SPEG: variants seen among roughly 807,000 people sequenced by gnomAD.
The protein encoded by SPEG is striated muscle enriched protein kinase.
Under a neutral mutation model 300.4 loss-of-function variants are expected in SPEG, and 114 were observed. The observed-to-expected ratio is 0.38, with a 90% CI of 0.33 to 0.44. The LOEUF is 0.44. SPEG is among the 20% of genes least tolerant of loss of function. SPEG has a pLI of 1.00. For missense variants in SPEG, 4,201 were observed against 4,586.2 expected (o/e 0.92, Z 2.43); for synonymous variants, 1,964 against 2,018.9 (o/e 0.97, Z 0.73).
intron 13 of SPEG, 32 bp downstream of exon 13, chr2:219,469,411 C>A: frequency 1.3e-6 from 2 of 1,541,228 alleles, no homozygotes; most frequent in Non-Finnish European, 8.9e-7. Flanking sequence ...CGGGAGTGTC[C>A]CCTGCAGCAC....
Position 219,493,372 on chromosome 2 carries a change from T to A in SPEG, c.*586T>A. ...CCCTCAGAGGAGAAATGTGGAGAGC[T>A]GGAGGCCAGCAGTCACTCACACTCG... On this transcript the variant is annotated 3_prime_UTR_variant, in exon 41 of 41. Transcript: ENST00000312358. 1 of 359,690 alleles carries A rather than the reference T, an allele frequency of 2.8e-6. No individual in the cohort carries two copies. Among genetic ancestry groups the A allele is most frequent in the South Asian group, 2.1e-5 (1 of 48,430 alleles). The allele number at this position is 359,690 out of a possible 1,614,324, so 22.3% of individuals were successfully genotyped here. A position where few individuals can be genotyped will look rare whatever the true frequency, so the allele number is the denominator to read the frequency against.
intron 18 of SPEG, 28 bp from the exon 19 acceptor site, chr2:219,476,842 T>C (rs1274319838): frequency 3.2e-6 from 5 of 1,584,022 alleles, no homozygotes; most frequent in Non-Finnish European, 4.3e-6. Flanking sequence ...GCCCCTTCTC[T>C]TCCCACCCCT....
chr2:219,482,593 A>T (rs535851704), intron 28 of SPEG, among the ~76,000 whole-genome samples, 191 bp from the exon 29 acceptor site: 19 of 152,152 alleles, frequency 1.2e-4, no homozygotes, highest in African/African-American at 4.6e-4. Flanking sequence ...ATTTGTCTTT[A>T]GGTGTGCATC....
Position 219,467,271 on chromosome 2 carries a change from G to C in SPEG, c.2979G>C (p.Gly993=). The C allele has an allele frequency of 6.2e-7, 1 of 1,608,752 alleles. No individual in the cohort carries two copies. The highest frequency in any genetic ancestry group is 1.1e-5 in the South Asian group (1 of 91,056). Residue 993 remains glycine, a synonymous_variant, in exon 10 of 41, where the codon GGG becomes GGC. Coordinates refer to ENST00000312358, the MANE Select transcript of SPEG (RefSeq NM_005876.5). ...EMALFECLVA[G]PTDVEVDWLC... ...CGCTGTTTGAGTGCCTGGTGGCGGG[G>C]CCCACTGACGTGGAGGTGGATTGGC...
rs1244421204 is a variant in SPEG, at chr2:219,480,733, G to A, written c.5369+36G>A. 6.2e-7 allele frequency: 1 copy of A among 1,609,910 alleles called. No homozygotes were observed. The highest frequency in any genetic ancestry group is 2.2e-5 in the East Asian group (1 of 44,830). On this transcript the variant is annotated intron_variant, in intron 26 of 40. Coordinates refer to ENST00000312358, the MANE Select transcript of SPEG (RefSeq NM_005876.5). This position sits in a 1 kb window ranked among gnomAD's most constrained non-coding sequence, Gnocchi z 5.3. ...CTCTGCAATGTCCCAGCAGTCTCCT[G>A]GCAGGTCTACCCCTAACCTTTGCAG...
In SPEG at chr2:219,454,607, G is replaced by A. The variant is rs548527050; in HGVS notation, c.2440+2800G>A. 2.6e-5 allele frequency among the ~76,000 whole-genome samples: 4 copies of A among 152,344 alleles called. No individual in the cohort carries two copies. The East Asian group carries it at 7.7e-4, about 29-fold the overall frequency. ...TATCCCTTGGAGGGACGTGTGGCAGGTGGGGACATTCCCATTTTATGGATG... is the reference window on the plus strand; with the variant it reads ...TATCCCTTGGAGGGACGTGTGGCAGATGGGGACATTCCCATTTTATGGATG... On this transcript the variant is annotated intron_variant, in intron 6 of 40. Coordinates refer to ENST00000312358, the MANE Select transcript of SPEG (RefSeq NM_005876.5).
intron 1 of SPEG, chr2:219,442,045 C>T: frequency 8.5e-7 from 1 of 1,177,354 alleles, no homozygotes; most frequent in African/African-American, 1.6e-5. Flanking sequence ...GGCCCCCTCC[C>T]CCGCCATGAA....
At chr2:219,452,503 G>A (rs770621963) in intron 6 of SPEG, among the ~76,000 whole-genome samples, 2 of 152,132 alleles carry the variant, frequency 1.3e-5, no homozygotes, top group Non-Finnish European at 2.9e-5. Flanking sequence ...CACTGACCCC[G>A]GGCCTGGGGT....
chr2:219,470,303 C>T (rs911157360), intron 13 of SPEG, among the ~76,000 whole-genome samples: 2 of 101,486 alleles, frequency 2.0e-5, no homozygotes, highest in African/African-American at 8.5e-5. Context: ...ACCCTGGTGC[C>T]CAGCTCTTAA....
chr2:219,441,353 G>A, intron 1 of SPEG, among the ~76,000 whole-genome samples: 1 of 152,168 alleles, frequency 6.6e-6, no homozygotes, highest in South Asian at 2.1e-4. Context: ...CGCGAGGTAA[G>A]GCAAGATAAA....
intron 8 of SPEG, among the ~76,000 whole-genome samples, chr2:219,463,659 G>C (rs992294196): frequency 1.3e-5 from 2 of 150,494 alleles, no homozygotes; most frequent in Non-Finnish European, 1.5e-5. Context: ...ACCCACCTCG[G>C]CCTCCCAAAG....
chr2:219,445,512 G>T lies in SPEG; in HGVS notation c.815+351G>T. On this transcript the variant is annotated intron_variant, in intron 3 of 40. Transcript: ENST00000312358. This position sits in a 1 kb window ranked among gnomAD's most constrained non-coding sequence, Gnocchi z 6.1. The stretch of plus-strand genomic sequence containing the variant: ...TCCCCAGGATCCCTCCCCCGACCCG[G>T]GGGCCCCCTTGGTGCCTGCTGTCTC... 2.8e-6 allele frequency: 1 copy of T among 363,458 alleles called. No individual in the cohort carries two copies. The allele number at this position is 363,458 out of a possible 1,614,324, so 22.5% of individuals were successfully genotyped here. A position where few individuals can be genotyped will look rare whatever the true frequency, so the allele number is the denominator to read the frequency against.
rs1473062446 is a variant in SPEG, at chr2:219,445,884, T to A, written c.815+723T>A. On this transcript the variant is annotated intron_variant, in intron 3 of 40. Coordinates refer to ENST00000312358, the MANE Select transcript of SPEG (RefSeq NM_005876.5). This position sits in a 1 kb window ranked among gnomAD's most constrained non-coding sequence, Gnocchi z 6.1. ...TCCCTGAGGGTGGGATTCAAGGTTG[T>A]CCCAGGAGGGGGTGTGAGGAGCGGA... Among the ~76,000 whole-genome samples, 2 of 151,922 alleles carry A rather than the reference T, an allele frequency of 1.3e-5. No homozygotes were observed. Among genetic ancestry groups the A allele is most frequent in the African/African-American group, 4.8e-5 (2 of 41,332 alleles).
intron 6 of SPEG, among the ~76,000 whole-genome samples, chr2:219,453,796 C>G (rs1244727235): frequency 6.6e-6 from 1 of 152,190 alleles, no homozygotes; most frequent in East Asian, 1.9e-4. Flanking sequence ...ACTTTCTTAC[C>G]CTACAAGGCA....
chr2:219,478,208 A>G (rs952667937), intron 22 of SPEG, 103 bp downstream of exon 22: 7 of 989,888 alleles, frequency 7.1e-6, no homozygotes, highest in South Asian at 3.2e-5. Context: ...AGTAGTCCCA[A>G]TTGACAATTG....
rs779599094 is a variant in SPEG at position 219,488,491 on chromosome 2, TC to T, written c.7859-3del. On this transcript the variant is annotated splice_region_variant and splice_polypyrimidine_tract_variant and intron_variant, in intron 32 of 40. Coordinates refer to ENST00000312358, the MANE Select transcript of SPEG (RefSeq NM_005876.5). ...CAGCAGCAACTCCTGCTCCTCCCTG[TC>T]CCCAGACAAGAAGTCCTTGAGGTCA... is the stretch of plus-strand genomic sequence containing the variant. 5 of 1,559,946 alleles carry T rather than the reference TC, an allele frequency of 3.2e-6. No homozygotes were observed. The highest frequency in any genetic ancestry group is 3.5e-6 in the Non-Finnish European group (4 of 1,151,312).
rs375646744 is a variant in SPEG at position 219,439,590 on chromosome 2, G to A, written c.388+4225G>A. Among the ~76,000 whole-genome samples, 28 of 152,206 alleles carry A rather than the reference G, an allele frequency of 1.8e-4. 1 individual carries two copies. Among genetic ancestry groups the A allele is most frequent in the African/African-American group, 6.7e-4 (28 of 41,496 alleles). ...GGCAGTGCAGAAATTGGAAGTCTGGGTTTGGGGGAGTGGCAGGGAGACACA... is the reference window on the plus strand; with the variant it reads ...GGCAGTGCAGAAATTGGAAGTCTGGATTTGGGGGAGTGGCAGGGAGACACA... On this transcript the variant is annotated intron_variant, in intron 1 of 40. Transcript: ENST00000312358. This position sits in a 1 kb window ranked among gnomAD's most constrained non-coding sequence, Gnocchi z 4.5.
rs1179157153 is a variant in SPEG at position 219,451,986 on chromosome 2, C to T, written c.2440+179C>T. ...CTTTGGTGAAAGCGTTTTAAATGGC[C>T]CTGGCCTCAGGGCAGGGGCCAAATC... On this transcript the variant is annotated intron_variant, in intron 6 of 40. Transcript: ENST00000312358. This position sits in a 1 kb window ranked among gnomAD's most constrained non-coding sequence, Gnocchi z 6.4. Among the ~76,000 whole-genome samples the T allele has an allele frequency of 6.6e-6, 1 of 152,198 alleles. No individual in the cohort carries two copies. The highest frequency in any genetic ancestry group is 2.4e-5 in the African/African-American group (1 of 41,452).
intron 31 of SPEG, among the ~76,000 whole-genome samples, 154 bp downstream of exon 31, chr2:219,485,631 A>G (rs1296297674): frequency 6.6e-6 from 1 of 152,260 alleles, no homozygotes; most frequent in Non-Finnish European, 1.5e-5. Flanking sequence ...AGTAGCTGAC[A>G]TTCATTAGAT....
Sources: gnomAD v4.1 joint callset for allele counts (sites outside exome capture counted in the v4.1 genomes callset) on GRCh38, gnomAD v4.1.1 for gene constraint, Gnocchi (gnomAD v3.1) non-coding constraint, MANE v1.5 for transcripts, NCBI Gene and HGNC (gene_info 2026-07-23, HGNC 2026-07-21) for gene names.